Variants in NXPH2 observed in about 807,000 individuals in gnomAD.
The protein encoded by NXPH2 is neurexophilin-2.
NXPH2 carries 5 observed loss-of-function variants against 19.8 expected under a neutral mutation model. That is an observed-to-expected ratio of 0.25 (90% confidence interval 0.13 to 0.53). NXPH2 has a LOEUF of 0.53. NXPH2 is among the 20% of genes least tolerant of loss of function. NXPH2 has a pLI of 0.96. For missense variants in NXPH2, 289 were observed against 322.8 expected (o/e 0.90, Z 0.80); for synonymous variants, 154 against 127.4 (o/e 1.21, Z -1.41).
chr2:138,673,303 A>T (rs1407235409), intron 1 of NXPH2, among the ~76,000 whole-genome samples: 1 of 152,162 alleles, frequency 6.6e-6, no homozygotes, highest in Admixed American at 6.5e-5. Flanking sequence ...AAGAGGGATC[A>T]TTACTCTGGA....
At chr2:138,780,148 C>T in intron 1 of NXPH2, 43 bp downstream of exon 1, 1 of 1,468,478 alleles carries the variant, frequency 6.8e-7, no homozygotes, top group Non-Finnish European at 9.0e-7. Context: ...CCCGCCGAAA[C>T]GCGTCCCCGG....
At chr2:138,762,897 C>A (rs1372369712) in intron 1 of NXPH2, among the ~76,000 whole-genome samples, 1 of 152,182 alleles carries the variant, frequency 6.6e-6, no homozygotes, top group Non-Finnish European at 1.5e-5. Context: ...TTAAGCCAGA[C>A]CACACCTATG....
chr2:138,759,434 T>C (rs1681966601), intron 1 of NXPH2, among the ~76,000 whole-genome samples: 1 of 151,674 alleles, frequency 6.6e-6, no homozygotes, highest in South Asian at 2.1e-4. Flanking sequence ...TCTTGGTCCA[T>C]GCTTGCTCCC....
chr2:138,709,846 C>T (rs1321353989), intron 1 of NXPH2, among the ~76,000 whole-genome samples: 1 of 152,154 alleles, frequency 6.6e-6, no homozygotes, highest in African/African-American at 2.4e-5. Flanking sequence ...ATGGTTTAAT[C>T]ATTTCTTTCA....
chr2:138,775,236 A>G (rs1682242981), intron 1 of NXPH2, among the ~76,000 whole-genome samples: 1 of 152,180 alleles, frequency 6.6e-6, no homozygotes, highest in East Asian at 1.9e-4. Flanking sequence ...ATAATTCCTT[A>G]TTATATACCA....
chr2:138,701,288 C>T (rs1680919061), intron 1 of NXPH2, among the ~76,000 whole-genome samples: 1 of 152,116 alleles, frequency 6.6e-6, no homozygotes, highest in Admixed American at 6.6e-5. Context: ...TAGGGAATGC[C>T]CATTGGTTGG....
At chr2:138,693,104 A>G (rs760453377) in intron 1 of NXPH2, among the ~76,000 whole-genome samples, 2 of 151,772 alleles carry the variant, frequency 1.3e-5, no homozygotes, top group Admixed American at 6.6e-5. Context: ...GACTTTTTTC[A>G]TGGTTTGTTC....
chr2:138,775,419 A>C (rs1025105161), intron 1 of NXPH2, among the ~76,000 whole-genome samples: 1 of 152,090 alleles, frequency 6.6e-6, no homozygotes, highest in Non-Finnish European at 1.5e-5. Context: ...TTCCTTTTTT[A>C]TTTAGCAGGA....
At chr2:138,675,049 C>T (rs1680465961) in intron 1 of NXPH2, among the ~76,000 whole-genome samples, 1 of 152,274 alleles carries the variant, frequency 6.6e-6, no homozygotes, top group Non-Finnish European at 1.5e-5. Context: ...GACATTTTCC[C>T]TTTTAAGCTT....
intron 1 of NXPH2, among the ~76,000 whole-genome samples, chr2:138,694,254 A>T (rs1399433930): frequency 6.6e-6 from 1 of 152,162 alleles, no homozygotes; most frequent in East Asian, 1.9e-4. Flanking sequence ...TGTTTACACA[A>T]ATTAACTCTA....
intron 1 of NXPH2, among the ~76,000 whole-genome samples, chr2:138,683,987 A>G (rs1477707690): frequency 1.3e-5 from 2 of 152,260 alleles, no homozygotes; most frequent in African/African-American, 4.8e-5. Flanking sequence ...TTTACAAACT[A>G]TAAAATATCT....
intron 1 of NXPH2, among the ~76,000 whole-genome samples, chr2:138,677,909 C>G (rs971548771): frequency 6.6e-6 from 1 of 152,168 alleles, no homozygotes; most frequent in African/African-American, 2.4e-5. Flanking sequence ...TCGGTATCCC[C>G]TACCGTTAAC....
intron 1 of NXPH2, among the ~76,000 whole-genome samples, chr2:138,749,275 T>C (rs540732219): frequency 6.6e-6 from 1 of 152,170 alleles, no homozygotes; most frequent in Non-Finnish European, 1.5e-5. Flanking sequence ...TAATTGTAAG[T>C]TTCCTGAGGC....
intron 1 of NXPH2, among the ~76,000 whole-genome samples, chr2:138,771,108 T>G (rs1188806772): frequency 6.6e-6 from 1 of 152,116 alleles, no homozygotes; most frequent in African/African-American, 2.4e-5. Flanking sequence ...CATTCTCAAT[T>G]GAACCAACAT....
chr2:138,671,211 A>G lies in NXPH2; in HGVS notation c.506T>C (p.Phe169Ser). 6.2e-7 allele frequency: 1 copy of G among 1,613,862 alleles called. No homozygotes were observed. Among genetic ancestry groups the G allele is most frequent in the Non-Finnish European group, 8.5e-7 (1 of 1,179,840 alleles). ...SLVPPSKVVE[F>S]EVSPQSTLET... ...CAAGGTAGACTGGGGGGAAACTTCA[A>G]ATTCCACCACCTTGGAGGGTGGTAC... The change falls in exon 2 of 2, where the codon TTT becomes TCT. Residue 169 changes from phenylalanine (F) to serine (S), a missense_variant. Physicochemically the swap from Phe to Ser is radical, Grantham distance 155. Coordinates refer to ENST00000272641, the MANE Select transcript of NXPH2 (RefSeq NM_007226.3).
At chr2:138,760,230 T>C (rs144128383) in intron 1 of NXPH2, among the ~76,000 whole-genome samples, 1,818 of 152,218 alleles carry the variant, frequency 0.012, 20 homozygotes, top group Middle Eastern at 0.017. Flanking sequence ...ATAAGATAAA[T>C]AGGCTACCTC....
At chr2:138,728,133 AGAG>A (rs1681386811) in intron 1 of NXPH2, among the ~76,000 whole-genome samples, 3 of 148,622 alleles carry the variant, frequency 2.0e-5, no homozygotes, top group Admixed American at 6.9e-5. Flanking sequence ...TGAGGTCTTA[AGAG>A]AAGAAGACAC....
chr2:138,703,123 G>A (rs781581148), intron 1 of NXPH2, among the ~76,000 whole-genome samples: 9 of 152,026 alleles, frequency 5.9e-5, no homozygotes, highest in Admixed American at 2.6e-4. Flanking sequence ...CTTTTATATC[G>A]TCAGGACCCA....
rs72988935 is a variant in NXPH2 at position 138,720,790 on chromosome 2, T to C, written c.52-49125A>G. ...GTCTCTGAGCTTCAGTTCCTTTATCTGTAAAACATAGATAAATGCTTCTGA... is the reference window on the plus strand; with the variant it reads ...GTCTCTGAGCTTCAGTTCCTTTATCCGTAAAACATAGATAAATGCTTCTGA... On this transcript the variant is annotated intron_variant, in intron 1 of 1. Transcript: ENST00000272641. Among the ~76,000 whole-genome samples the C allele has an allele frequency of 4.7e-3, 716 of 152,286 alleles. 7 individuals carry two copies. Among genetic ancestry groups the C allele is most frequent in the African/African-American group, 0.013 (535 of 41,562 alleles).
Sources: gnomAD v4.1 joint callset for allele counts (sites outside exome capture counted in the v4.1 genomes callset) on GRCh38, gnomAD v4.1.1 for gene constraint, MANE v1.5 for transcripts, NCBI Gene and HGNC (gene_info 2026-07-23, HGNC 2026-07-21) for gene names.